DSCAM: variants seen among roughly 807,000 people sequenced by gnomAD.
DSCAM encodes the protein DS cell adhesion molecule.
A neutral mutation model predicts 217.7 loss-of-function variants in DSCAM; 47 were observed. The ratio of observed to expected loss-of-function variants is 0.22; its 90% CI spans 0.17 to 0.28. The LOEUF (loss-of-function observed/expected upper bound fraction) is 0.28, where lower values mean the gene tolerates loss of function less well. DSCAM is among the 10% of genes least tolerant of loss of function. The probability of loss-of-function intolerance (pLI) is 1.00; values close to 1 mark genes in which losing one functional copy is unlikely to be tolerated. For missense variants in DSCAM, 2,080 were observed against 2,618.3 expected (o/e 0.79, Z 4.49); for synonymous variants, 1,056 against 1,015.3 (o/e 1.04, Z -0.76).
chr21:40,106,233 C>T (rs1391046429), intron 20 of DSCAM, among the ~76,000 whole-genome samples: 2 of 152,130 alleles, frequency 1.3e-5, no homozygotes, highest in East Asian at 1.9e-4. Flanking sequence ...AAAATCCGCC[C>T]CCATGATTCA....
At chr21:40,428,616 T>C (rs1057084968) in intron 3 of DSCAM, among the ~76,000 whole-genome samples, 7 of 152,068 alleles carry the variant, frequency 4.6e-5, no homozygotes, top group Non-Finnish European at 1.0e-4. Flanking sequence ...TTATGAGTCT[T>C]TTATAGAGTC....
chr21:40,768,309 C>A (rs577200407), intron 1 of DSCAM, among the ~76,000 whole-genome samples: 1 of 151,876 alleles, frequency 6.6e-6, no homozygotes, highest in Non-Finnish European at 1.5e-5. Flanking sequence ...CATTACCTTA[C>A]GGTGACACCC....
chr21:40,535,867 G>A (rs1404056048), intron 3 of DSCAM, among the ~76,000 whole-genome samples: 2 of 152,180 alleles, frequency 1.3e-5, no homozygotes, highest in Non-Finnish European at 2.9e-5. Flanking sequence ...AGTATTTAAA[G>A]CAGGACTTTG....
At chr21:40,210,647 T>C (rs553244441) in intron 11 of DSCAM, among the ~76,000 whole-genome samples, 2 of 152,320 alleles carry the variant, frequency 1.3e-5, no homozygotes, top group South Asian at 4.1e-4. Context: ...CAAGTTCAAA[T>C]GATTCTCCTG....
chr21:40,089,960 G>A (rs577110890), intron 21 of DSCAM, among the ~76,000 whole-genome samples: 2 of 152,226 alleles, frequency 1.3e-5, no homozygotes, highest in African/African-American at 4.8e-5. Flanking sequence ...ACTCCCTGCT[G>A]GTCTTACTGT....
At chr21:40,836,597 A>C (rs1394409101) in intron 1 of DSCAM, among the ~76,000 whole-genome samples, 2 of 152,212 alleles carry the variant, frequency 1.3e-5, no homozygotes, top group Non-Finnish European at 2.9e-5. Flanking sequence ...CCAACAGTTC[A>C]TCGAGATGTA....
chr21:40,156,637 T>C (rs1244076745), intron 16 of DSCAM, among the ~76,000 whole-genome samples: 2 of 152,218 alleles, frequency 1.3e-5, no homozygotes, highest in South Asian at 2.1e-4. Context: ...GGAAGAGTGT[T>C]GAGGGCTCAG....
At chr21:40,552,918 T>C (rs185001755) in intron 3 of DSCAM, among the ~76,000 whole-genome samples, 138 of 152,090 alleles carry the variant, frequency 9.1e-4, no homozygotes, top group African/African-American at 3.1e-3. Flanking sequence ...ACAGCAATTG[T>C]AGTAAAAAAG....
chr21:40,647,230 G>T lies in DSCAM; in HGVS notation c.508+45580C>A, dbSNP rs548746905. 2.0e-5 allele frequency among the ~76,000 whole-genome samples: 3 copies of T among 152,278 alleles called. No individual in the cohort carries two copies. In the East Asian group the frequency reaches 5.8e-4, roughly 29 times the overall value. The stretch of plus-strand genomic sequence containing the variant: ...ATAGCTTACAAAGGCCAATCGATTT[G>T]CTCTGAAATTATAACAGCAACAATC... On this transcript the variant is annotated intron_variant, in intron 3 of 32. Coordinates refer to ENST00000400454, the MANE Select transcript of DSCAM (RefSeq NM_001389.5).
chr21:40,116,927 G>A (rs1271043246), intron 20 of DSCAM, among the ~76,000 whole-genome samples: 5 of 148,534 alleles, frequency 3.4e-5, no homozygotes, highest in East Asian at 4.0e-4. Flanking sequence ...GCATGAACCC[G>A]GGAGGCAGAG....
intron 1 of DSCAM, among the ~76,000 whole-genome samples, chr21:40,804,329 C>T (rs1036569610): frequency 2.6e-5 from 4 of 152,198 alleles, no homozygotes; most frequent in African/African-American, 9.7e-5. Context: ...GCACGCTCTG[C>T]AGGATGCTTT....
At chr21:40,151,952 CT>C (rs1390718945) in intron 16 of DSCAM, among the ~76,000 whole-genome samples, 3 of 152,008 alleles carry the variant, frequency 2.0e-5, no homozygotes, top group African/African-American at 7.2e-5. Flanking sequence ...CATTTTTTTC[CT>C]TCTTAAAAGA....
chr21:40,741,969 C>T (rs2091128382), intron 1 of DSCAM, among the ~76,000 whole-genome samples: 1 of 152,084 alleles, frequency 6.6e-6, no homozygotes, highest in African/African-American at 2.4e-5. Flanking sequence ...AGAGATCACA[C>T]ATTTCTAGAG....
rs147057588 is a variant in DSCAM, at chr21:40,168,078, A to C, written c.2948-790T>G. Among the ~76,000 whole-genome samples, 239 of 152,308 alleles carry C rather than the reference A, an allele frequency of 1.6e-3. 2 individuals carry two copies. The highest frequency in any genetic ancestry group is 5.1e-3 in the African/African-American group (212 of 41,570). On this transcript the variant is annotated intron_variant, in intron 15 of 32. Transcript: ENST00000400454. Reference sequence around the variant, plus strand: ...TCCATCTCAAAACATAAACAAACAAAAAACAACAAAAAAACCCTTGTGAAC... The same window carrying C: ...TCCATCTCAAAACATAAACAAACAACAAACAACAAAAAAACCCTTGTGAAC...
chr21:40,625,528 T>C (rs1380565605), intron 3 of DSCAM, among the ~76,000 whole-genome samples: 2 of 152,030 alleles, frequency 1.3e-5, no homozygotes, highest in East Asian at 1.9e-4. Flanking sequence ...TTTTCTGGAG[T>C]GCAAGCCCTC....
chr21:40,520,638 C>A (rs11911135), intron 3 of DSCAM, among the ~76,000 whole-genome samples: 38,878 of 151,478 alleles, frequency 0.26, 5,930 homozygotes, highest in African/African-American at 0.41. Flanking sequence ...GAAACCCCAT[C>A]TCTATTAAAA....
At chr21:40,696,236 C>T (rs2090593747) in intron 2 of DSCAM, among the ~76,000 whole-genome samples, 1 of 152,148 alleles carries the variant, frequency 6.6e-6, no homozygotes, top group Admixed American at 6.5e-5. Context: ...GCTCTGAACC[C>T]CAGCTCGCTC....
intron 1 of DSCAM, among the ~76,000 whole-genome samples, chr21:40,836,116 T>C (rs2092053703): frequency 6.6e-6 from 1 of 152,180 alleles, no homozygotes; most frequent in Non-Finnish European, 1.5e-5. Flanking sequence ...TCTCCTGCCC[T>C]GTCTCAGCCC....
chr21:40,174,387 C>T (rs1319364644), intron 15 of DSCAM, among the ~76,000 whole-genome samples: 3 of 152,180 alleles, frequency 2.0e-5, no homozygotes, highest in Non-Finnish European at 4.4e-5. Context: ...TGGCAGCAAT[C>T]CCTTCCTCAC....
Sources: allele counts gnomAD v4.1 joint callset (sites outside exome capture counted in the v4.1 genomes callset), GRCh38; gene constraint gnomAD v4.1.1; transcripts MANE v1.5; gene names NCBI Gene and HGNC (gene_info 2026-07-23, HGNC 2026-07-21).